Variants in PCDHGB2 observed in about 807,000 individuals in gnomAD.
PCDHGB2 encodes protocadherin gamma-B2.
Under a neutral mutation model 59.3 loss-of-function variants are expected in PCDHGB2, and 55 were observed. The observed-to-expected ratio is 0.93, with a 90% CI of 0.75 to 1.16. PCDHGB2 has a LOEUF of 1.16. Ranked by LOEUF, PCDHGB2 falls within the 50% of genes most tolerant of loss-of-function variation. The pLI is 0.00. For missense variants in PCDHGB2, 1,228 were observed against 1,198.5 expected (o/e 1.02, Z -0.36); for synonymous variants, 516 against 512.0 (o/e 1.01, Z -0.11).
chr5:141,457,270 T>C (rs1338894991), intron 1 of PCDHGB2, among the ~76,000 whole-genome samples: 2 of 152,234 alleles, frequency 1.3e-5, no homozygotes. Flanking sequence ...TTCCCCTCTG[T>C]GGGCCTACGA....
At chr5:141,419,359 G>C (rs1257423360) in intron 1 of PCDHGB2, 1 of 1,613,796 alleles carries the variant, frequency 6.2e-7, no homozygotes. Flanking sequence ...AGTCACGAAC[G>C]CTGTCGTCCT....
intron 1 of PCDHGB2, among the ~76,000 whole-genome samples, chr5:141,407,497 G>GTTTTTTTTTTTTTT (rs1554102286): frequency 6.6e-6 from 1 of 152,090 alleles, no homozygotes; most frequent in African/African-American, 2.4e-5. Context: ...CTTTATTTCT[G>GTTTTTTTTTTTTTT]TTTTTCTTAG....
chr5:141,473,944 C>T (rs1279694347), intron 1 of PCDHGB2, among the ~76,000 whole-genome samples: 1 of 152,156 alleles, frequency 6.6e-6, no homozygotes, highest in Non-Finnish European at 1.5e-5. Context: ...TAGCTCAGGC[C>T]TGTAGTCCCA....
At chr5:141,481,229 A>T (rs989963485) in intron 1 of PCDHGB2, among the ~76,000 whole-genome samples, 1 of 152,212 alleles carries the variant, frequency 6.6e-6, no homozygotes, top group Non-Finnish European at 1.5e-5. Flanking sequence ...TCCCAGCCTT[A>T]AAGTATTACA....
chr5:141,378,542 TAATA>T (rs1181738762), intron 1 of PCDHGB2: 54 of 152,104 alleles, frequency 3.6e-4, no homozygotes, highest in Admixed American at 3.5e-3. Flanking sequence ...TAATGATAAT[TAATA>T]AATAAAGAGT....
At chr5:141,376,180 G>T (rs113596971) in intron 1 of PCDHGB2, 6 of 1,614,100 alleles carry the variant, frequency 3.7e-6, no homozygotes, top group East Asian at 2.2e-5. Context: ...CGGTGGCCGC[G>T]GTCTCCTGCG....
chr5:141,413,932 G>T (rs762255781), intron 1 of PCDHGB2: 2 of 1,613,426 alleles, frequency 1.2e-6, no homozygotes, highest in Admixed American at 1.7e-5. Context: ...AGAATACCGA[G>T]TGAGTGTTCC....
rs755270981 is a variant in PCDHGB2, at chr5:141,408,462, AGAACC to A, written c.2421+45910_2421+45914del. On this transcript the variant is annotated intron_variant, in intron 1 of 3. Coordinates refer to ENST00000522605, the MANE Select transcript of PCDHGB2 (RefSeq NM_018923.3). Reference sequence around the variant, plus strand: ...GCGGAGAGCGGGGACTTACTTGTGAAGAACCGAATAGACCGTGAGCAAATATGCAA... The same window carrying A: ...GCGGAGAGCGGGGACTTACTTGTGAAGAATAGACCGTGAGCAAATATGCAA... 2.2e-5 allele frequency: 35 copies of A among 1,613,962 alleles called. No homozygotes were observed. The South Asian group carries it at 3.3e-4, about 15-fold the overall frequency.
intron 1 of PCDHGB2, among the ~76,000 whole-genome samples, chr5:141,481,103 C>G (rs190529217): frequency 2.6e-4 from 39 of 152,252 alleles, no homozygotes; most frequent in Non-Finnish European, 3.4e-4. Context: ...TACTCTGGAA[C>G]CTACCAATCC....
At chr5:141,364,161 C>A in intron 1 of PCDHGB2, 1 of 652,296 alleles carries the variant, frequency 1.5e-6, no homozygotes, top group Non-Finnish European at 2.3e-6. Flanking sequence ...GCCGCAGAGG[C>A]GACCCGACTC....
In PCDHGB2 at chr5:141,393,997, A is replaced by G. The variant is rs375314377; in HGVS notation, c.2421+31441A>G. ...CGTGATAATTTACCTTTTAAATTAG[A>G]AAAGTCAATAGGTAATTATTATAGA... On this transcript the variant is annotated intron_variant, in intron 1 of 3. Coordinates refer to ENST00000522605, the MANE Select transcript of PCDHGB2 (RefSeq NM_018923.3). 7.4e-6 allele frequency: 12 copies of G among 1,613,330 alleles called. 1 individual carries two copies. The African/African-American group carries it at 8.0e-5, about 11-fold the overall frequency.
rs372096658 is a variant in PCDHGB2, at chr5:141,405,073, C to T, written c.2421+42517C>T. On this transcript the variant is annotated intron_variant, in intron 1 of 3. Coordinates refer to ENST00000522605, the MANE Select transcript of PCDHGB2 (RefSeq NM_018923.3). The stretch of plus-strand genomic sequence containing the variant: ...TCGTCTCCTGTGTCTTCCTCACCTT[C>T]GTTATCACGCTGCTGGCCCTCAGGC... The T allele has an allele frequency of 1.1e-5, 17 of 1,613,880 alleles. No individual in the cohort carries two copies. In the East Asian group the frequency reaches 1.3e-4, roughly 13 times the overall value.
rs369851570 is a variant in PCDHGB2, at chr5:141,408,393, G to T, written c.2421+45837G>T. 1.7e-5 allele frequency: 28 copies of T among 1,613,918 alleles called. No individual in the cohort carries two copies. In the Admixed American group the frequency reaches 2.2e-4, roughly 12 times the overall value. On this transcript the variant is annotated intron_variant, in intron 1 of 3. Coordinates refer to ENST00000522605, the MANE Select transcript of PCDHGB2 (RefSeq NM_018923.3). Reference sequence around the variant, plus strand: ...CTCAGTGTCCTGGATGTGTCGGCTCGCAAGCTGCGAGTGAGCGCGGAGAAG... The same window carrying T: ...CTCAGTGTCCTGGATGTGTCGGCTCTCAAGCTGCGAGTGAGCGCGGAGAAG...
chr5:141,388,774 G>T, intron 1 of PCDHGB2: 1 of 1,613,878 alleles, frequency 6.2e-7, no homozygotes, highest in Non-Finnish European at 8.5e-7. Context: ...TCTAACACCG[G>T]GGAAATTACT....
chr5:141,365,285 G>T (rs1215849562), intron 1 of PCDHGB2: 2 of 1,613,898 alleles, frequency 1.2e-6, no homozygotes, highest in South Asian at 1.1e-5. Flanking sequence ...CCTCATGGAA[G>T]TGGTAGCTCA....
chr5:141,367,135 G>T (rs1283969236), intron 1 of PCDHGB2: 6 of 204,902 alleles, frequency 2.9e-5, no homozygotes, highest in Non-Finnish European at 4.9e-5. Context: ...GTTTTGGAAA[G>T]GATAATGTAT....
intron 2 of PCDHGB2, among the ~76,000 whole-genome samples, chr5:141,502,500 G>A (rs1398797155): frequency 6.6e-6 from 1 of 152,046 alleles, no homozygotes; most frequent in Non-Finnish European, 1.5e-5. Context: ...ATCTAACGTC[G>A]GCCTGTCCCA....
chr5:141,504,510 C>T (rs2099838864), intron 2 of PCDHGB2, among the ~76,000 whole-genome samples: 1 of 151,952 alleles, frequency 6.6e-6, no homozygotes, highest in Non-Finnish European at 1.5e-5. Context: ...GAGTGGATCT[C>T]CTCTGATATA....
intron 1 of PCDHGB2, chr5:141,408,253 A>G (rs749487100): frequency 3.4e-4 from 550 of 1,599,220 alleles, no homozygotes; most frequent in Non-Finnish European, 4.4e-4. Flanking sequence ...GGCAGGTGCT[A>G]TTTCCTTTGC....
Sources: allele counts gnomAD v4.1 joint callset (sites outside exome capture counted in the v4.1 genomes callset), GRCh38; gene constraint gnomAD v4.1.1; transcripts MANE v1.5; gene names NCBI Gene and HGNC (gene_info 2026-07-23, HGNC 2026-07-21).